SBF2: variants seen among roughly 807,000 people sequenced by gnomAD.
SBF2 encodes myotubularin-related protein 13.
Under a neutral mutation model 225.2 loss-of-function variants are expected in SBF2, and 112 were observed. The ratio of observed to expected loss-of-function variants is 0.50; its 90% CI spans 0.43 to 0.58. SBF2 has a LOEUF of 0.58. Ranked by LOEUF, SBF2 falls within the 20% of genes least tolerant of loss-of-function variation. SBF2 has a pLI of 0.00. For missense variants in SBF2, 1,996 were observed against 2,206.2 expected, an observed-to-expected ratio of 0.90 and a Z score of 1.91; for synonymous variants, 763 against 773.3, an observed-to-expected ratio of 0.99 and a Z score of 0.22.
intron 2 of SBF2, among the ~76,000 whole-genome samples, chr11:10,046,794 A>T (rs1157110624): frequency 1.3e-5 from 2 of 151,770 alleles, no homozygotes; most frequent in African/African-American, 4.8e-5. Flanking sequence ...TGAAAAAAAT[A>T]AAAAGTATAT....
intron 2 of SBF2, among the ~76,000 whole-genome samples, chr11:10,110,327 CAACTT>C (rs1353617880): frequency 6.6e-6 from 1 of 152,036 alleles, no homozygotes; most frequent in African/African-American, 2.4e-5. Context: ...AAATCACAAT[CAACTT>C]AACATCATTT....
At chr11:9,993,228 C>G (rs1947521929) in intron 10 of SBF2, 125 bp from the exon 11 acceptor site, 1 of 680,632 alleles carries the variant, frequency 1.5e-6, no homozygotes, top group African/African-American at 1.8e-5. Flanking sequence ...AAAACAATTA[C>G]AGTCACAACC....
chr11:9,993,213 C>T (rs1565105334), intron 10 of SBF2, 110 bp from the exon 11 acceptor site: 3 of 752,160 alleles, frequency 4.0e-6, no homozygotes, highest in Non-Finnish European at 6.8e-6. Flanking sequence ...ATTTTTATAT[C>T]CACCAAAACA....
intron 2 of SBF2, among the ~76,000 whole-genome samples, chr11:10,107,970 T>C (rs1952627024): frequency 6.6e-6 from 1 of 152,164 alleles, no homozygotes; most frequent in Non-Finnish European, 1.5e-5. Context: ...AGGAAAGAAT[T>C]GCAAAGAGGC....
chr11:10,193,940 C>T lies in SBF2; in HGVS notation c.103G>A (p.Asp35Asn). Residue 35 changes from aspartate to asparagine, a missense_variant, in exon 2 of 40, where the codon GAC (aspartate) becomes AAC (asparagine). Asp to Asn is a conservative substitution (Grantham distance 23). Transcript: ENST00000256190. Reference sequence around the variant, plus strand: ...TGTGGAAAAGGTGTATCATCCCAGTCCTTCTGTGGAAATCTCTGGATTATT... The same window carrying T: ...TGTGGAAAAGGTGTATCATCCCAGTTCTTCTGTGGAAATCTCTGGATTATT... ...GKIIQRFPQK[D>N]WDDTPFPQGI... The T allele has an allele frequency of 6.2e-7, 1 of 1,613,024 alleles. No individual in the cohort carries two copies. The highest frequency in any genetic ancestry group is 8.5e-7 in the Non-Finnish European group (1 of 1,179,108).
chr11:9,958,867 G>A (rs1206437643), intron 16 of SBF2: 2 of 662,624 alleles, frequency 3.0e-6, no homozygotes, highest in Non-Finnish European at 2.8e-6. Flanking sequence ...TCTTCTCCTG[G>A]CCAACAGTCT....
intron 1 of SBF2, among the ~76,000 whole-genome samples, chr11:10,270,454 C>T (rs746455658): frequency 3.3e-5 from 5 of 152,104 alleles, no homozygotes; most frequent in African/African-American, 4.8e-5. Flanking sequence ...CAGATCATCA[C>T]AAAGGTCTTC....
intron 6 of SBF2, among the ~76,000 whole-genome samples, chr11:10,010,746 T>G (rs1948417832): frequency 1.3e-5 from 2 of 152,218 alleles, no homozygotes; most frequent in South Asian, 4.1e-4. Flanking sequence ...CATTTGAAAT[T>G]TAAAGTAGTT....
At chr11:9,926,352 A>G (rs900442084) in intron 16 of SBF2, among the ~76,000 whole-genome samples, 2 of 152,126 alleles carry the variant, frequency 1.3e-5, no homozygotes, top group African/African-American at 4.8e-5. Context: ...CTTTTAACAA[A>G]CTACCATTGG....
chr11:9,932,702 T>A (rs1864584568), intron 16 of SBF2, among the ~76,000 whole-genome samples: 1 of 152,110 alleles, frequency 6.6e-6, no homozygotes, highest in South Asian at 2.1e-4. Context: ...ACCATCAATG[T>A]TACAAAGAAA....
intron 2 of SBF2, among the ~76,000 whole-genome samples, chr11:10,180,854 C>A (rs1956709851): frequency 6.6e-6 from 1 of 152,058 alleles, no homozygotes; most frequent in African/African-American, 2.4e-5. Flanking sequence ...CATTCCTTAG[C>A]TTTATTGAAA....
chr11:10,257,313 C>T (rs1206151138), intron 1 of SBF2, among the ~76,000 whole-genome samples: 1 of 152,078 alleles, frequency 6.6e-6, no homozygotes, highest in Admixed American at 6.6e-5. Flanking sequence ...CAATGATTCC[C>T]AAAACACTAT....
intron 2 of SBF2, among the ~76,000 whole-genome samples, chr11:10,074,787 C>T (rs1951031579): frequency 6.6e-6 from 1 of 152,100 alleles, no homozygotes; most frequent in Non-Finnish European, 1.5e-5. Context: ...ACAAGTTTAT[C>T]CATCTGAAAA....
chr11:10,172,339 ATT>A (rs945348821), intron 2 of SBF2, among the ~76,000 whole-genome samples: 3 of 151,412 alleles, frequency 2.0e-5, no homozygotes, highest in African/African-American at 7.3e-5. Flanking sequence ...TGTTTTCATT[ATT>A]GTTTGTTTCA....
chr11:10,135,579 C>T (rs1954306966), intron 2 of SBF2, among the ~76,000 whole-genome samples: 1 of 152,154 alleles, frequency 6.6e-6, no homozygotes, highest in African/African-American at 2.4e-5. Flanking sequence ...TTCTCCCACA[C>T]CCTAAATCAA....
At chr11:10,289,566 C>G (rs1455799540) in intron 1 of SBF2, among the ~76,000 whole-genome samples, 1 of 152,114 alleles carries the variant, frequency 6.6e-6, no homozygotes, top group South Asian at 2.1e-4. Context: ...GGGGGTGCCT[C>G]CAGGAGCAGA....
intron 1 of SBF2, among the ~76,000 whole-genome samples, chr11:10,199,658 C>T (rs1957506299): frequency 6.6e-6 from 1 of 152,160 alleles, no homozygotes; most frequent in Non-Finnish European, 1.5e-5. Flanking sequence ...GCCAGGTGCA[C>T]TGGCTCACAC....
Position 9,845,689 on chromosome 11 carries a change from A to G in SBF2, c.2986T>C (p.Phe996Leu). ...CGGAACTTCATCAGCTGTTTCTTAA[A>G]GATCTCTACTACTTCTGGACTGACT... ...EEVSPEVVEI[F>L]KKQLMKFRYP... The change falls in exon 24 of 40, where the codon TTT becomes CTT. Residue 996 changes from phenylalanine to leucine, a missense_variant. Transcript: ENST00000256190. The G allele has an allele frequency of 6.2e-7, 1 of 1,613,976 alleles. No individual in the cohort carries two copies.
At chr11:10,008,161 G>A (rs921905417) in intron 6 of SBF2, among the ~76,000 whole-genome samples, 3 of 152,150 alleles carry the variant, frequency 2.0e-5, no homozygotes, top group Admixed American at 6.5e-5. Context: ...GGAAGAAACC[G>A]CATGTTCCTC....
Sources: gnomAD v4.1 joint callset for allele counts (sites outside exome capture counted in the v4.1 genomes callset) on GRCh38, gnomAD v4.1.1 for gene constraint, MANE v1.5 for transcripts, NCBI Gene and HGNC (gene_info 2026-07-23, HGNC 2026-07-21) for gene names.